Variants in ABHD18 observed in about 807,000 individuals in gnomAD.
ABHD18 encodes cardiolipin-specific deacylase, mitochondrial.
ABHD18 carries 55 observed loss-of-function variants against 65.9 expected under a neutral mutation model. The ratio of observed to expected loss-of-function variants is 0.84; its 90% CI spans 0.67 to 1.05. The LOEUF (loss-of-function observed/expected upper bound fraction) is 1.05, where lower values mean the gene tolerates loss of function less well. Ranked by LOEUF, ABHD18 falls within the 50% of genes least tolerant of loss-of-function variation. The pLI is 0.00. For synonymous variants in ABHD18, 181 were observed against 180.2 expected, an observed-to-expected ratio of 1.00 and a Z score of -0.04; for missense variants, 533 against 558.5, an observed-to-expected ratio of 0.95 and a Z score of 0.46.
chr4:127,985,546 T>C (rs1749796013), intron 3 of ABHD18, among the ~76,000 whole-genome samples: 1 of 152,100 alleles, frequency 6.6e-6, no homozygotes, highest in Admixed American at 6.5e-5. Flanking sequence ...TATTTTTATC[T>C]TCTTTATTTT....
chr4:128,007,087 G>GTGAGCCAAGAT (rs1385352402), intron 4 of ABHD18, among the ~76,000 whole-genome samples: 1 of 152,120 alleles, frequency 6.6e-6, no homozygotes, highest in Non-Finnish European at 1.5e-5. Flanking sequence ...GGAAGTTGCA[G>GTGAGCCAAGAT]TGAGCCAAGA....
intron 12 of ABHD18, among the ~76,000 whole-genome samples, 170 bp from the exon 13 acceptor site, chr4:128,035,592 A>G (rs1221855804): frequency 2.0e-5 from 3 of 152,080 alleles, no homozygotes; most frequent in Non-Finnish European, 4.4e-5. Flanking sequence ...AAAAAGTTAC[A>G]TGGATTCAAA....
chr4:128,008,256 C>T (rs1277556764), intron 4 of ABHD18, among the ~76,000 whole-genome samples: 6 of 142,408 alleles, frequency 4.2e-5, no homozygotes, highest in Admixed American at 2.1e-4. Context: ...AGTGAGACTC[C>T]GTTCCTTTTT....
Position 128,028,554 on chromosome 4 carries a change from T to C in ABHD18, c.881T>C (p.Val294Ala). 6.2e-7 allele frequency: 1 copy of C among 1,612,240 alleles called. No individual in the cohort carries two copies. The highest frequency in any genetic ancestry group is 8.5e-7 in the Non-Finnish European group (1 of 1,179,024). The change falls in exon 11 of 13, where the codon GTT becomes GCT. Residue 294 changes from valine to alanine, a missense_variant. Val to Ala is a moderately conservative substitution (Grantham distance 64). Transcript: ENST00000645843. ...GACAAGCTAACTAACCTTAATCTGG[T>C]TTCCAGAACTTTAAATTTAGATATA... The part of the protein sequence containing the change: ...SADKLTNLNL[V>A]SRTLNLDISN...
chr4:127,991,538 T>A (rs1750923934), intron 4 of ABHD18, among the ~76,000 whole-genome samples: 1 of 152,082 alleles, frequency 6.6e-6, no homozygotes, highest in African/African-American at 2.4e-5. Context: ...ATGGGTTTTT[T>A]AAGTTGTTTT....
At chr4:128,010,317 G>A (rs1754308456) in intron 6 of ABHD18, among the ~76,000 whole-genome samples, 1 of 152,162 alleles carries the variant, frequency 6.6e-6, no homozygotes, top group Non-Finnish European at 1.5e-5. Context: ...ATGATCTGAG[G>A]TCAGGAGTTC....
At chr4:128,020,443 C>T (rs1397951717) in intron 9 of ABHD18, among the ~76,000 whole-genome samples, 1 of 152,142 alleles carries the variant, frequency 6.6e-6, no homozygotes, top group Admixed American at 6.6e-5. Flanking sequence ...CTTAATTCTT[C>T]CAACAATAAT....
At chr4:128,030,090 G>A (rs1354612123) in intron 11 of ABHD18, among the ~76,000 whole-genome samples, 1 of 152,180 alleles carries the variant, frequency 6.6e-6, no homozygotes, top group Admixed American at 6.6e-5. Flanking sequence ...AGGAGTTCAA[G>A]GCTGTAGTGC....
At chr4:128,011,333 A>G (rs1323076201) in intron 6 of ABHD18, among the ~76,000 whole-genome samples, 1 of 151,998 alleles carries the variant, frequency 6.6e-6, no homozygotes, top group Non-Finnish European at 1.5e-5. Context: ...TATTTTTAGT[A>G]GTGATGGGGT....
At chr4:128,022,496 C>T (rs1441465939) in intron 10 of ABHD18, among the ~76,000 whole-genome samples, 1 of 152,148 alleles carries the variant, frequency 6.6e-6, no homozygotes, top group Non-Finnish European at 1.5e-5. Context: ...CACATAATAT[C>T]TGATTATCTC....
At chr4:127,983,708 A>T (rs906462569) in intron 2 of ABHD18, among the ~76,000 whole-genome samples, 1 of 152,152 alleles carries the variant, frequency 6.6e-6, no homozygotes, top group Non-Finnish European at 1.5e-5. Flanking sequence ...TACTAAAAAT[A>T]CAAAAAATTA....
intron 1 of ABHD18, among the ~76,000 whole-genome samples, chr4:127,981,172 C>A (rs1243488239): frequency 6.6e-6 from 1 of 152,102 alleles, no homozygotes; most frequent in East Asian, 1.9e-4. Flanking sequence ...GTTTGACTTA[C>A]GATTGTTTCA....
chr4:128,034,183 T>C (rs1202053308), intron 12 of ABHD18, among the ~76,000 whole-genome samples: 1 of 151,986 alleles, frequency 6.6e-6, no homozygotes, highest in East Asian at 1.9e-4. Flanking sequence ...GGTCTCGAAC[T>C]CCTGACCTTG....
At chr4:128,005,200 G>A (rs1426403067) in intron 4 of ABHD18, among the ~76,000 whole-genome samples, 1 of 152,216 alleles carries the variant, frequency 6.6e-6, no homozygotes, top group Non-Finnish European at 1.5e-5. Flanking sequence ...CTGCACTCCG[G>A]CTTTTGCAAC....
intron 1 of ABHD18, among the ~76,000 whole-genome samples, chr4:127,967,722 G>A (rs200972956): frequency 0.15 from 22,289 of 147,288 alleles, 2,166 homozygotes; most frequent in Middle Eastern, 0.27. Context: ...AAAAAAAAAA[G>A]AAAATGTCTC....
At chr4:128,030,474 G>T (rs1392330880) in intron 11 of ABHD18, 36 bp from the exon 12 acceptor site, 1 of 1,388,782 alleles carries the variant, frequency 7.2e-7, no homozygotes, top group East Asian at 2.7e-5. Flanking sequence ...ATTTTCTAAT[G>T]TGTATATGTT....
At chr4:127,987,843 T>G (rs920621486) in intron 3 of ABHD18, among the ~76,000 whole-genome samples, 1 of 152,334 alleles carries the variant, frequency 6.6e-6, no homozygotes, top group Non-Finnish European at 1.5e-5. Flanking sequence ...CTTAATCATT[T>G]TTTAAAATGC....
intron 1 of ABHD18, among the ~76,000 whole-genome samples, chr4:127,969,648 G>C (rs1252218611): frequency 1.3e-5 from 2 of 151,656 alleles, no homozygotes; most frequent in Non-Finnish European, 2.9e-5. Flanking sequence ...CTTTATCTTG[G>C]TTTTATCTAC....
chr4:128,001,765 G>A, intron 4 of ABHD18: 2 of 1,545,086 alleles, frequency 1.3e-6, no homozygotes, highest in Non-Finnish European at 1.7e-6. Context: ...ACCTTTGTAG[G>A]TAACCAGTTA....
Sources: gnomAD v4.1 joint callset for allele counts (sites outside exome capture counted in the v4.1 genomes callset) on GRCh38, gnomAD v4.1.1 for gene constraint, MANE v1.5 for transcripts, NCBI Gene and HGNC (gene_info 2026-07-23, HGNC 2026-07-21) for gene names.